The following IDS variants were observed in gnomAD, a reference collection of about 807,000 sequenced individuals.
IDS encodes the protein iduronate 2-sulfatase, also known as alpha-L-iduronate sulfate sulfatase.
In IDS, 1 loss-of-function variant was observed where a neutral mutation model predicts 33.5. The ratio of observed to expected loss-of-function variants is 0.03; its 90% confidence interval spans 0.01 to 0.14. The LOEUF (loss-of-function observed/expected upper bound fraction) is 0.14. Among genes scored for constraint, IDS ranks in the 10% least tolerant of loss-of-function variants. IDS has a pLI of 1.00. For synonymous variants in IDS, 191 were observed against 184.4 expected (o/e 1.04, Z -0.29); for missense variants, 328 against 448.0 (o/e 0.73, Z 2.42).
chrX:149,504,088 A>C, intron 2 of IDS, 69 bp downstream of exon 2: 1 of 1,049,836 alleles, frequency 9.5e-7, no homozygotes, highest in Non-Finnish European at 1.3e-6. Flanking sequence ...ACAATAGCTG[A>C]AGCTCCCCGC....
rs1299125853 is a variant in IDS, at chrX:149,479,745, A to G, written c.*3001T>C. On this transcript the variant is annotated 3_prime_UTR_variant, in exon 9 of 9. Transcript: ENST00000340855. The stretch of plus-strand genomic sequence containing the variant: ...AAATTACATGATAAAGAATATGACC[A>G]GAACAATGCAAAAAATTCACACCCC... 8.9e-6 allele frequency: 1 copy of G among 112,740 alleles called. No homozygotes were observed. The highest frequency in any genetic ancestry group is 1.9e-5 in the Non-Finnish European group (1 of 53,615). The allele number at this position is 112,740 out of a possible 1,213,427, so 9.3% of individuals were successfully genotyped here.
At chrX:149,503,083 C>T in intron 3 of IDS, 5 of 1,111,747 alleles carry the variant, frequency 4.5e-6, no homozygotes, top group Non-Finnish European at 5.9e-6. Context: ...CCCAACAGCA[C>T]ACCCTCAGTG....
intron 4 of IDS, among the ~76,000 whole-genome samples, chrX:149,499,708 A>C (rs1270907188): frequency 5.4e-5 from 6 of 111,176 alleles, no homozygotes; most frequent in Non-Finnish European, 1.1e-4. Flanking sequence ...ATGGTATATG[A>C]ACTCTATTTT....
chrX:149,486,569 G>A (rs1395095185), intron 8 of IDS, among the ~76,000 whole-genome samples: 3 of 112,031 alleles, frequency 2.7e-5, no homozygotes, highest in Admixed American at 9.4e-5. Flanking sequence ...GATTCTCCTC[G>A]TCTGTTACGG....
At position 149,479,151 on chromosome X, in the gene IDS, G is replaced by A. The variant is rs1180116115; in HGVS notation, c.*3595C>T. On this transcript the variant is annotated 3_prime_UTR_variant, in exon 9 of 9. Transcript: ENST00000340855. ...CTCTGCCTCAGCCTCCCAAGTAGCT[G>A]GGATTACAGGCGCCCGCCACCACGC... The A allele has an allele frequency of 2.7e-5, 3 of 112,191 alleles. No homozygotes were observed. The highest frequency in any genetic ancestry group is 3.8e-5 in the Non-Finnish European group (2 of 53,188). The allele number at this position is 112,191 out of a possible 1,213,427, so 9.2% of individuals were successfully genotyped here. A position where few individuals can be genotyped will look rare whatever the true frequency, so the allele number is the denominator to read the frequency against.
Position 149,505,274 on chromosome X carries a change from C to G in IDS, c.-137G>C. On this transcript the variant is annotated 5_prime_UTR_variant, in exon 1 of 9. Transcript: ENST00000340855. ...CTGCGCAACACAGCCGCCGCCCGGG[C>G]CCGCAGGCCCGGGCGCTGGCCGCAG... 1 of 336,080 alleles carries G rather than the reference C, an allele frequency of 3.0e-6. No homozygotes were observed. The highest frequency in any genetic ancestry group is 4.7e-5 in the East Asian group (1 of 21,315). The allele number at this position is 336,080 out of a possible 1,213,427, so 27.7% of individuals were successfully genotyped here.
chrX:149,491,962 G>A (rs1021292210), intron 6 of IDS, among the ~76,000 whole-genome samples: 1 of 112,489 alleles, frequency 8.9e-6, no homozygotes, highest in African/African-American at 3.2e-5. Flanking sequence ...GAGCAGCCCC[G>A]AGAAGCTGGA....
chrX:149,494,721 A>G (rs1259192933), intron 6 of IDS, among the ~76,000 whole-genome samples: 1 of 111,971 alleles, frequency 8.9e-6, no homozygotes, highest in Non-Finnish European at 1.9e-5. Context: ...ACGGTCCTAG[A>G]TACTTCTACA....
chrX:149,498,823 A>G (rs782705056), intron 4 of IDS, among the ~76,000 whole-genome samples: 24 of 112,780 alleles, frequency 2.1e-4, no homozygotes, highest in Admixed American at 2.1e-3. Flanking sequence ...GAACCCTCTC[A>G]CATTGCTGGT....
Position 149,498,268 on chromosome X carries a change from G to A in IDS, c.547C>T (p.Leu183Phe). ...GPDGELHANLLCPVDVLDVPE... is the reference protein window; with the variant it reads ...GPDGELHANLFCPVDVLDVPE... ...ACATCCAGCACATCCACAGGGCAAA[G>A]CAGGTTGGCATGGAGTTCTCCATCT... is the stretch of plus-strand genomic sequence containing the variant. Residue 183 changes from leucine to phenylalanine, a missense_variant, in exon 5 of 9, where the codon CTT (leucine) becomes TTT (phenylalanine). Leu to Phe is a conservative substitution (Grantham distance 22, BLOSUM62 0). Coordinates refer to ENST00000340855, the MANE Select transcript of IDS (RefSeq NM_000202.8). 8.3e-7 allele frequency: 1 copy of A among 1,210,447 alleles called. No homozygotes were observed. Among genetic ancestry groups the A allele is most frequent in the East Asian group, 3.0e-5 (1 of 33,784 alleles).
At chrX:149,489,992 C>T (rs1266369420) in intron 7 of IDS, among the ~76,000 whole-genome samples, 5 of 108,836 alleles carry the variant, frequency 4.6e-5, no homozygotes, top group Non-Finnish European at 9.5e-5. Context: ...ACTAAAAGTC[C>T]TCCAACCCTC....
chrX:149,502,891 T>G (rs2334075), intron 3 of IDS: 3 of 331,599 alleles, frequency 9.0e-6, no homozygotes, highest in Non-Finnish European at 1.6e-5. Context: ...AGCCCCCTCA[T>G]TGGGCAATAA....
chrX:149,495,671 T>C (rs1197093010), intron 6 of IDS: 2 of 113,590 alleles, frequency 1.8e-5, no homozygotes, highest in African/African-American at 6.5e-5. Flanking sequence ...ATTCATGTGG[T>C]AAGAGAAGGG....
At chrX:149,485,867 C>T (rs1557337990) in intron 8 of IDS, among the ~76,000 whole-genome samples, 1 of 111,546 alleles carries the variant, frequency 9.0e-6, no homozygotes, top group African/African-American at 3.3e-5. Context: ...AATCAAAGTG[C>T]AAAAAATAAA....
chrX:149,504,252 G>A lies in IDS; in HGVS notation c.145C>T (p.Pro49Ser). The A allele has an allele frequency of 2.5e-6, 3 of 1,209,113 alleles. No individual in the cohort carries two copies. The highest frequency in any genetic ancestry group is 3.4e-6 in the Non-Finnish European group (3 of 893,675). ...TTATCCCCATAACAGCCCAGGGAGG[G>A]GCGCAGGTCATCCACGATGATGAGA... ...VLLIIVDDLRPSLGCYGDKLV... is the reference protein window; with the variant it reads ...VLLIIVDDLRSSLGCYGDKLV... Residue 49 changes from proline to serine, a missense_variant, in exon 2 of 9, where the codon CCC becomes TCC. By Grantham distance (74) the Pro-to-Ser change is moderately conservative. Transcript: ENST00000340855.
At chrX:149,500,674 G>T (rs781853556) in intron 4 of IDS, among the ~76,000 whole-genome samples, 1 of 111,693 alleles carries the variant, frequency 9.0e-6, no homozygotes, top group South Asian at 3.7e-4. Context: ...GTCTCATCCA[G>T]CGTGAGCACT....
intron 8 of IDS, among the ~76,000 whole-genome samples, chrX:149,484,111 AG>A (rs1260983044): frequency 8.9e-6 from 1 of 112,688 alleles, no homozygotes; most frequent in Non-Finnish European, 1.9e-5. Context: ...TGCTATGAAC[AG>A]TAATGTACAA....
At position 149,481,423 on chromosome X, in the gene IDS, T is replaced by C. The variant is rs1016248615; in HGVS notation, c.*1323A>G. ...CTTGTCATTTTTGGCAACAATACAC[T>C]GAAGTAACAATGTAGTTTGCTGTAT... On this transcript the variant is annotated 3_prime_UTR_variant, in exon 9 of 9. Transcript: ENST00000340855. 1 of 112,796 alleles carries C rather than the reference T, an allele frequency of 8.9e-6. No individual in the cohort carries two copies. The highest frequency in any genetic ancestry group is 3.2e-5 in the African/African-American group (1 of 31,038). 9.3% of individuals were successfully genotyped at this position (112,796 alleles called of 1,213,427 possible).
At chrX:149,502,774 TG>T (rs2089490610) in intron 3 of IDS, 1 of 155,189 alleles carries the variant, frequency 6.4e-6, no homozygotes, top group East Asian at 1.6e-4. Flanking sequence ...AGGCAGCATT[TG>T]AGGTAAGGAA....
Sources: allele counts gnomAD v4.1 joint callset (sites outside exome capture counted in the v4.1 genomes callset), GRCh38; gene constraint gnomAD v4.1.1; transcripts MANE v1.5; gene names NCBI Gene and HGNC (gene_info 2026-07-23, HGNC 2026-07-21).